Variants in ROBO2 observed in about 807,000 individuals in gnomAD.
ROBO2 encodes roundabout homolog 2.
In ROBO2, 53 loss-of-function variants were observed where a neutral mutation model predicts 160.8. The ratio of observed to expected loss-of-function variants is 0.33; its 90% confidence interval spans 0.26 to 0.41. ROBO2 has a LOEUF of 0.41. Ranked by LOEUF, ROBO2 falls within the 10% of genes least tolerant of loss-of-function variation. The pLI, the probability that ROBO2 is intolerant of heterozygous loss-of-function variation, is 1.00. For synonymous variants in ROBO2, 664 were observed against 611.7 expected, an observed-to-expected ratio of 1.09 and a Z score of -1.26; for missense variants, 1,577 against 1,722.4, an observed-to-expected ratio of 0.92 and a Z score of 1.49.
At chr3:76,179,138 T>C (rs1252526632) in intron 2 of ROBO2, among the ~76,000 whole-genome samples, 3 of 152,110 alleles carry the variant, frequency 2.0e-5, no homozygotes, top group Non-Finnish European at 4.4e-5. Context: ...GACATATTAA[T>C]TTGTCTCATT....
intron 2 of ROBO2, among the ~76,000 whole-genome samples, chr3:77,146,037 C>A (rs910565437): frequency 6.6e-6 from 1 of 152,130 alleles, no homozygotes; most frequent in Admixed American, 6.6e-5. Context: ...AGGGTAGAGG[C>A]CATTAGTTCT....
At chr3:77,525,370 T>C (rs1207802906) in intron 6 of ROBO2, among the ~76,000 whole-genome samples, 1 of 150,684 alleles carries the variant, frequency 6.6e-6, no homozygotes, top group Admixed American at 6.6e-5. Context: ...GAGAGTTTAT[T>C]GTCAAAATTT....
At chr3:75,943,924 C>T (rs1428738599) in intron 2 of ROBO2, among the ~76,000 whole-genome samples, 1 of 152,118 alleles carries the variant, frequency 6.6e-6, no homozygotes, top group Non-Finnish European at 1.5e-5. Context: ...TAGTCTCAAA[C>T]TCCTGACTTC....
At chr3:76,850,564 A>G (rs1348270646) in intron 2 of ROBO2, among the ~76,000 whole-genome samples, 1 of 152,104 alleles carries the variant, frequency 6.6e-6, no homozygotes, top group East Asian at 1.9e-4. Context: ...TATTTTCCTC[A>G]TGGGAATAAG....
intron 2 of ROBO2, among the ~76,000 whole-genome samples, chr3:76,521,707 G>T (rs115329934): frequency 1.3e-5 from 2 of 151,984 alleles, no homozygotes; most frequent in Admixed American, 1.3e-4. Context: ...GAAAACTCTA[G>T]CTTAATATAT....
intron 2 of ROBO2, among the ~76,000 whole-genome samples, chr3:76,864,123 T>C (rs2071106792): frequency 6.6e-6 from 1 of 152,042 alleles, no homozygotes; most frequent in Non-Finnish European, 1.5e-5. Context: ...TCTCATTTAG[T>C]AGGATCTGGG....
chr3:76,105,988 G>A (rs1203015360), intron 2 of ROBO2, among the ~76,000 whole-genome samples: 1 of 152,116 alleles, frequency 6.6e-6, no homozygotes, highest in Non-Finnish European at 1.5e-5. Flanking sequence ...TGTCTTTACA[G>A]TTCTAGTAAT....
intron 2 of ROBO2, among the ~76,000 whole-genome samples, chr3:77,401,943 G>A (rs886890451): frequency 6.6e-6 from 1 of 152,034 alleles, no homozygotes; most frequent in Admixed American, 6.6e-5. Context: ...ATACCCAAAG[G>A]ATTAGAAACC....
intron 2 of ROBO2, among the ~76,000 whole-genome samples, chr3:76,010,194 A>T (rs1320910565): frequency 1.3e-5 from 2 of 152,226 alleles, no homozygotes; most frequent in Non-Finnish European, 2.9e-5. Context: ...GGTAAGCTCA[A>T]ACAGGAAGAT....
In ROBO2 at chr3:77,626,713, T is replaced by A. The variant is rs1401144819; in HGVS notation, c.3760+4281T>A. On this transcript the variant is annotated intron_variant, in intron 23 of 25. Transcript: ENST00000461745. The stretch of plus-strand genomic sequence containing the variant: ...GTGCAGGGGGAAAATGCCCTCAACG[T>A]GTAGCAAAGATTCTAACTGCCTCAG... Among the ~76,000 whole-genome samples, 3 of 152,140 alleles carry A rather than the reference T, an allele frequency of 2.0e-5. 1 individual carries two copies. The highest frequency in any genetic ancestry group is 2.0e-4 in the Admixed American group (3 of 15,272).
intron 2 of ROBO2, among the ~76,000 whole-genome samples, chr3:76,524,968 G>C (rs2081869821): frequency 6.7e-6 from 1 of 148,572 alleles, no homozygotes; most frequent in Admixed American, 6.7e-5. Context: ...TTACAATAAG[G>C]AAAGCAAGAG....
At chr3:76,282,702 C>T (rs1708293387) in intron 2 of ROBO2, among the ~76,000 whole-genome samples, 2 of 151,910 alleles carry the variant, frequency 1.3e-5, no homozygotes, top group South Asian at 4.1e-4. Context: ...GGGTCTGCCT[C>T]AATGAGTGAT....
intron 2 of ROBO2, among the ~76,000 whole-genome samples, chr3:77,342,058 C>T (rs553915791): frequency 9.2e-5 from 14 of 152,002 alleles, no homozygotes; most frequent in African/African-American, 1.2e-4. Context: ...AGCTTCCGTG[C>T]GTGTATTTGA....
At chr3:77,382,769 G>C (rs1264898127) in intron 2 of ROBO2, among the ~76,000 whole-genome samples, 2 of 152,146 alleles carry the variant, frequency 1.3e-5, no homozygotes, top group Non-Finnish European at 2.9e-5. Context: ...TTATGGCTGA[G>C]TAGTATTCCA....
intron 2 of ROBO2, among the ~76,000 whole-genome samples, chr3:76,747,339 ATTGT>A (rs2093910564): frequency 6.6e-6 from 1 of 152,066 alleles, no homozygotes; most frequent in Non-Finnish European, 1.5e-5. Flanking sequence ...TTTTCTTAAC[ATTGT>A]TTAAGTGTAA....
At chr3:76,674,405 C>T (rs1246053531) in intron 2 of ROBO2, among the ~76,000 whole-genome samples, 1 of 151,982 alleles carries the variant, frequency 6.6e-6, no homozygotes, top group Non-Finnish European at 1.5e-5. Context: ...TCAGCACTCC[C>T]CATCCCAGGA....
At chr3:76,520,899 G>A (rs576421150) in intron 2 of ROBO2, among the ~76,000 whole-genome samples, 2 of 152,048 alleles carry the variant, frequency 1.3e-5, no homozygotes, top group Admixed American at 6.6e-5. Flanking sequence ...GGACTGTACG[G>A]TCTCTTAGAT....
At chr3:76,349,987 T>A (rs2074776607) in intron 2 of ROBO2, among the ~76,000 whole-genome samples, 1 of 152,058 alleles carries the variant, frequency 6.6e-6, no homozygotes, top group South Asian at 2.1e-4. Context: ...GGAGAGACTA[T>A]TTCTGTTTTC....
intron 2 of ROBO2, among the ~76,000 whole-genome samples, chr3:76,670,333 TC>T (rs1181288728): frequency 6.6e-6 from 1 of 151,484 alleles, no homozygotes; most frequent in East Asian, 1.9e-4. Flanking sequence ...TTTTTTTTTT[TC>T]ATAGTAGTTT....
Sources: gnomAD v4.1 joint callset for allele counts (sites outside exome capture counted in the v4.1 genomes callset) on GRCh38, gnomAD v4.1.1 for gene constraint, MANE v1.5 for transcripts, NCBI Gene and HGNC (gene_info 2026-07-23, HGNC 2026-07-21) for gene names.